The following ANKRD35 variants were observed in gnomAD, a reference collection of about 807,000 sequenced individuals.
ANKRD35 encodes ankyrin repeat domain-containing protein 35.
Under a neutral mutation model 109.9 loss-of-function variants are expected in ANKRD35, and 102 were observed. That is an observed-to-expected ratio of 0.93 (90% CI 0.79 to 1.09). The LOEUF is 1.09. Among genes scored for constraint, ANKRD35 ranks in the 50% least tolerant of loss-of-function variants. ANKRD35 has a pLI of 0.00. For missense variants in ANKRD35, 1,240 were observed against 1,230.1 expected, an observed-to-expected ratio of 1.01 and a Z score of -0.12; for synonymous variants, 515 against 512.4, an observed-to-expected ratio of 1.01 and a Z score of -0.07.
At position 145,873,917 on chromosome 1, in the gene ANKRD35, C is replaced by T; in HGVS notation, c.852G>A (p.Glu284=). 6.2e-7 allele frequency: 1 copy of T among 1,614,224 alleles called. No homozygotes were observed. Among genetic ancestry groups the T allele is most frequent in the Non-Finnish European group, 8.5e-7 (1 of 1,180,042 alleles). Residue 284 remains glutamate, a synonymous_variant, in exon 10 of 14, where the codon GAG becomes GAA. Transcript: ENST00000355594. ...KSSWRAEPEE[E]QEEKEDEDPC... ...GGTCTTCATCCTCCTTCTCCTCTTG[C>T]TCCTCTTCAGGCTCTGCTCTCCATG... is the stretch of plus-strand genomic sequence containing the variant.
rs587625408 is a variant in ANKRD35, at chr1:145,882,756, A to C, written c.39+2964T>G. On this transcript the variant is annotated intron_variant, in intron 1 of 13. Transcript: ENST00000355594. ...GAGATGCTTTCAAATGTCAAGATCC[A>C]GTCTGTAGCTTACCCCAGCACCTTG... Among the ~76,000 whole-genome samples the C allele has an allele frequency of 1.8e-4, 28 of 152,326 alleles. No homozygotes were observed. The South Asian group carries it at 5.0e-3, about 27-fold the overall frequency.
Position 145,876,281 on chromosome 1 carries a change from C to T in ANKRD35, c.454-35G>A, listed in dbSNP as rs782555920. Reference sequence around the variant, plus strand: ...TTGTAGGAAGAGGTTCATGAGCAGCCAGGGACTGCAGAGGCTTGACAATCC... The same window carrying T: ...TTGTAGGAAGAGGTTCATGAGCAGCTAGGGACTGCAGAGGCTTGACAATCC... On this transcript the variant is annotated intron_variant, in intron 6 of 13. Coordinates refer to ENST00000355594, the MANE Select transcript of ANKRD35 (RefSeq NM_144698.5). 3 of 1,583,110 alleles carry T rather than the reference C, an allele frequency of 1.9e-6. No individual in the cohort carries two copies. In the South Asian group the frequency reaches 3.3e-5, roughly 18 times the overall value.
chr1:145,873,880 C>T lies in ANKRD35; in HGVS notation c.889G>A (p.Glu297Lys). Residue 297 changes from glutamate (E) to lysine (K), a missense_variant, in exon 10 of 14, where the codon GAG becomes AAG. Physicochemically the swap from Glu to Lys is moderately conservative, Grantham distance 56 (BLOSUM62 1). Transcript: ENST00000355594. The stretch of plus-strand genomic sequence containing the variant: ...TCCTCTTCATACTTCCACCTCCACT[C>T]CTCCGAGCACGGGTCTTCATCCTCC... ...EKEDEDPCSEEWRWKYEEERR... is the reference protein window; with the variant it reads ...EKEDEDPCSEKWRWKYEEERR... 1.2e-6 allele frequency: 2 copies of T among 1,614,146 alleles called. No homozygotes were observed. The highest frequency in any genetic ancestry group is 8.5e-7 in the Non-Finnish European group (1 of 1,180,010).
chr1:145,880,170 G>A, intron 1 of ANKRD35, among the ~76,000 whole-genome samples: 1 of 152,262 alleles, frequency 6.6e-6, no homozygotes, highest in Middle Eastern at 3.4e-3. Context: ...GGCATGCATT[G>A]TTCTATCATT....
chr1:145,884,380 G>A (rs991831519), intron 1 of ANKRD35, among the ~76,000 whole-genome samples: 7 of 152,244 alleles, frequency 4.6e-5, no homozygotes, highest in Admixed American at 4.6e-4. Context: ...TTGCCTCATA[G>A]CTTGCTTCCA....
At chr1:145,871,845 CT>C in intron 10 of ANKRD35, 136 bp downstream of exon 10, 2 of 1,133,246 alleles carry the variant, frequency 1.8e-6, no homozygotes, top group Non-Finnish European at 2.5e-6. Context: ...AGTGTGGTCC[CT>C]GCAAAGGACT....
At chr1:145,874,796 C>T (rs782618605) in intron 8 of ANKRD35, 26 bp downstream of exon 8, 36 of 1,540,340 alleles carry the variant, frequency 2.3e-5, no homozygotes, top group South Asian at 3.7e-5. Flanking sequence ...TCTTAGAGAA[C>T]GTGGAAGTTA....
At chr1:145,876,369 C>G in intron 6 of ANKRD35, 123 bp from the exon 7 acceptor site, 1 of 1,154,486 alleles carries the variant, frequency 8.7e-7, no homozygotes, top group South Asian at 1.4e-5. Flanking sequence ...TGGGTCTGAA[C>G]ACTCCCTTTT....
At chr1:145,875,709 T>C (rs1977475) in intron 7 of ANKRD35, among the ~76,000 whole-genome samples, 64,722 of 151,884 alleles carry the variant, frequency 0.43, 14,461 homozygotes, top group African/African-American at 0.53. Context: ...CCACCATGCC[T>C]GACCAATTTT....
chr1:145,872,356 G>A lies in ANKRD35; in HGVS notation c.2413C>T (p.Gln805Ter), dbSNP rs962937591. 1.2e-6 allele frequency: 2 copies of A among 1,612,884 alleles called. No homozygotes were observed. Among genetic ancestry groups the A allele is most frequent in the Non-Finnish European group, 1.7e-6 (2 of 1,179,414 alleles). ...AGCTGCTTCAGCTTTCCGATCTCCTGGCTCTTCCCGCTCATCGTGGCCTGA... is the reference window on the plus strand; with the variant it reads ...AGCTGCTTCAGCTTTCCGATCTCCTAGCTCTTCCCGCTCATCGTGGCCTGA... ...AVQATMSGKSQEIGKLKQLLY... is the reference protein window; with the variant it reads ...AVQATMSGKS Residue 805 changes from glutamine to a stop codon, truncating the protein, a stop_gained, in exon 10 of 14, where the codon CAG (glutamine) becomes TAG (stop). Coordinates refer to ENST00000355594, the MANE Select transcript of ANKRD35 (RefSeq NM_144698.5). LOFTEE classifies it high-confidence loss of function.
At chr1:145,871,945 T>C (rs1553738713) in intron 10 of ANKRD35, 37 bp downstream of exon 10, 3 of 1,600,812 alleles carry the variant, frequency 1.9e-6, no homozygotes, top group African/African-American at 1.3e-5. Context: ...CACAGAAACT[T>C]TCCCCAGTGC....
chr1:145,885,468 G>A (rs587612965), intron 1 of ANKRD35, among the ~76,000 whole-genome samples: 1 of 152,000 alleles, frequency 6.6e-6, no homozygotes, highest in African/African-American at 2.4e-5. Context: ...GAAATCGGGG[G>A]TGTAGATGCT....
rs138945328 is a variant in ANKRD35, at chr1:145,872,090, G to A, written c.2679C>T (p.Arg893=). 8 of 1,613,262 alleles carry A rather than the reference G, an allele frequency of 5.0e-6. No homozygotes were observed. In the African/African-American group the frequency reaches 8.0e-5, roughly 16 times the overall value. Residue 893 remains arginine (R), a synonymous_variant, in exon 10 of 14, where the codon CGC becomes CGT. Transcript: ENST00000355594. ...DLAAQAAEQE[R]QASEMRGRSE... Reference sequence around the variant, plus strand: ...AGCGCCCCCGCATCTCGCTGGCCTGGCGCTCTTGTTCGGCTGCCTGAGCGG... The same window carrying A: ...AGCGCCCCCGCATCTCGCTGGCCTGACGCTCTTGTTCGGCTGCCTGAGCGG...
intron 12 of ANKRD35, 138 bp downstream of exon 12, chr1:145,867,853 G>A (rs2101698842): frequency 1.3e-6 from 1 of 767,712 alleles, no homozygotes; most frequent in Non-Finnish European, 2.2e-6. Flanking sequence ...AATGAGATCA[G>A]AGACCTAGCA....
At position 145,871,153 on chromosome 1, in the gene ANKRD35, CTTTTTTTTTTTTTTTTT is replaced by C. The variant is rs59433424; in HGVS notation, c.2787+812_2787+828del. Among the ~76,000 whole-genome samples the C allele has an allele frequency of 5.1e-5, 4 of 78,098 alleles. No homozygotes were observed. The Admixed American group carries it at 6.3e-4, about 12-fold the overall frequency. The allele number at this position is 78,098 out of a possible 152,430, so 51.2% of individuals were successfully genotyped here. ...TCTTTCTTTCTTTCTTTTCTTTTTT[CTTTTTTTTTTTTTTTTT>C]TTTTTTTTTTTGAGACAGAGTCTTG... On this transcript the variant is annotated intron_variant, in intron 10 of 13. Coordinates refer to ENST00000355594, the MANE Select transcript of ANKRD35 (RefSeq NM_144698.5).
At position 145,872,387 on chromosome 1, in the gene ANKRD35, C is replaced by T. The variant is rs782216832; in HGVS notation, c.2382G>A (p.Arg794=). The T allele has an allele frequency of 4.3e-6, 7 of 1,613,142 alleles. No individual in the cohort carries two copies. The highest frequency in any genetic ancestry group is 5.9e-6 in the Non-Finnish European group (7 of 1,179,758). Reference sequence around the variant, plus strand: ...TCCCGCTCATCGTGGCCTGAACTGCCCGCAGCTCTTCCTCCAGCTTCCCCA... The same window carrying T: ...TCCCGCTCATCGTGGCCTGAACTGCTCGCAGCTCTTCCTCCAGCTTCCCCA... ...QDLGKLEEEL[R]AVQATMSGKS... is the part of the protein sequence containing the mutation. The change falls in exon 10 of 14, where the codon CGG becomes CGA. Residue 794 remains arginine, a synonymous_variant. Coordinates refer to ENST00000355594, the MANE Select transcript of ANKRD35 (RefSeq NM_144698.5).
chr1:145,873,517 C>T lies in ANKRD35; in HGVS notation c.1252G>A (p.Gly418Arg), dbSNP rs1553739383. The change falls in exon 10 of 14, where the codon GGA becomes AGA. Residue 418 changes from glycine to arginine, a missense_variant. Physicochemically the swap from Gly to Arg is moderately radical, Grantham distance 125. Transcript: ENST00000355594. ...APGKIQYEVH[G>R]RSQPEEQGPP... ...CCCTGTTCTTCTGGTTGGGACCTTC[C>T]ATGGACTTCATACTGGATCTTTCCT... is the stretch of plus-strand genomic sequence containing the variant. 1 of 1,613,904 alleles carries T rather than the reference C, an allele frequency of 6.2e-7. No homozygotes were observed. The highest frequency in any genetic ancestry group is 8.5e-7 in the Non-Finnish European group (1 of 1,179,984).
intron 10 of ANKRD35, among the ~76,000 whole-genome samples, chr1:145,869,452 GA>G (rs1553738252): frequency 1.3e-5 from 2 of 151,980 alleles, no homozygotes; most frequent in East Asian, 3.9e-4. Flanking sequence ...AAAGTGCTGG[GA>G]TTACAGGTGT....
In ANKRD35 at chr1:145,874,302, A is replaced by G. The variant is rs111807528; in HGVS notation, c.746-110T>C. On this transcript the variant is annotated intron_variant, in intron 8 of 13. Coordinates refer to ENST00000355594, the MANE Select transcript of ANKRD35 (RefSeq NM_144698.5). Reference sequence around the variant, plus strand: ...GAGAGGAGTGGCCTCTCTGTGATCAATCTCACTGCACATCTTCCTGGTGCC... The same window carrying G: ...GAGAGGAGTGGCCTCTCTGTGATCAGTCTCACTGCACATCTTCCTGGTGCC... 1.3e-5 allele frequency: 15 copies of G among 1,157,340 alleles called. No individual in the cohort carries two copies. In the African/African-American group the frequency reaches 1.5e-4, roughly 12 times the overall value. 71.7% of individuals were successfully genotyped at this position (1,157,340 alleles called of 1,614,324 possible). A position where few individuals can be genotyped will look rare whatever the true frequency, so the allele number is the denominator to read the frequency against.
Sources: gnomAD v4.1 joint callset for allele counts (sites outside exome capture counted in the v4.1 genomes callset) on GRCh38, gnomAD v4.1.1 for gene constraint, MANE v1.5 for transcripts, NCBI Gene and HGNC (gene_info 2026-07-23, HGNC 2026-07-21) for gene names.